The following FREM2 variants were observed in gnomAD, a reference collection of about 807,000 sequenced individuals.
The protein encoded by FREM2 is FRAS1-related extracellular matrix protein 2.
Under a neutral mutation model 219.9 loss-of-function variants are expected in FREM2, and 119 were observed. The ratio of observed to expected loss-of-function variants is 0.54; its 90% CI spans 0.47 to 0.63. The LOEUF (loss-of-function observed/expected upper bound fraction) is 0.63, where lower values mean the gene tolerates loss of function less well. FREM2 is among the 30% of genes least tolerant of loss of function. FREM2 has a pLI of 0.00. For missense variants in FREM2, 4,030 were observed against 3,993.6 expected (o/e 1.01, Z -0.25); for synonymous variants, 1,562 against 1,522.8 (o/e 1.03, Z -0.60).
chr13:38,878,867 G>A lies in FREM2; in HGVS notation c.8896G>A (p.Gly2966Arg), dbSNP rs1878445047. 3 of 1,613,996 alleles carry A rather than the reference G, an allele frequency of 1.9e-6. No individual in the cohort carries two copies. Among genetic ancestry groups the A allele is most frequent in the African/African-American group, 1.3e-5 (1 of 74,912 alleles). ...AQPETQATSFGNVLFNAKLAV... is the reference protein window; with the variant it reads ...AQPETQATSFRNVLFNAKLAV... The stretch of plus-strand genomic sequence containing the variant: ...GCCAGAGACACAAGCGACCAGTTTT[G>A]GAAATGTCCTATTTAATGCCAAACT... Residue 2966 changes from glycine (G) to arginine (R), a missense_variant, in exon 23 of 24, where the codon GGA (glycine) becomes AGA (arginine). Transcript: ENST00000280481.
At position 38,856,134 on chromosome 13, in the gene FREM2, T is replaced by A. The variant is rs1375829309; in HGVS notation, c.6934T>A (p.Phe2312Ile). The A allele has an allele frequency of 6.8e-6, 11 of 1,608,330 alleles. No homozygotes were observed. The highest frequency in any genetic ancestry group is 9.4e-6 in the Non-Finnish European group (11 of 1,175,672). The change falls in exon 12 of 24, where the codon TTT becomes ATT. Residue 2312 changes from phenylalanine (F) to isoleucine (I), a missense_variant. By Grantham distance (21) the Phe-to-Ile change is conservative. Transcript: ENST00000280481. ...TGATGTTACATTTGTAGAAATTGAG[T>A]TTAAGGAAGGGGAAACCCAGCACGT... Reference protein sequence around the residue: ...DYHPVSEEIEFKEGETQHVVE... With the variant: ...DYHPVSEEIEIKEGETQHVVE...
intron 2 of FREM2, among the ~76,000 whole-genome samples, chr13:38,751,864 C>CTGTG (rs59365871): frequency 1.8e-3 from 229 of 130,324 alleles, no homozygotes; most frequent in African/African-American, 6.9e-3. Context: ...TGTACTTACT[C>CTGTG]TGTGTGTGTG....
At chr13:38,864,097 G>T (rs982698162) in intron 15 of FREM2, among the ~76,000 whole-genome samples, 178 bp from the exon 16 acceptor site, 1 of 149,956 alleles carries the variant, frequency 6.7e-6, no homozygotes, top group Non-Finnish European at 1.5e-5. Flanking sequence ...CCAAAGTGCC[G>T]GGATTACAGG....
At chr13:38,849,257 T>C (rs1328191263) in intron 8 of FREM2, among the ~76,000 whole-genome samples, 3 of 152,218 alleles carry the variant, frequency 2.0e-5, no homozygotes, top group African/African-American at 4.8e-5. Context: ...ATTCTTTCTC[T>C]CAAACCTTAA....
intron 2 of FREM2, among the ~76,000 whole-genome samples, chr13:38,737,040 C>T (rs1175177339): frequency 1.3e-5 from 2 of 152,150 alleles, no homozygotes; most frequent in Non-Finnish European, 2.9e-5. Flanking sequence ...ATCATGGGAA[C>T]CATTACTGAC....
Position 38,874,531 on chromosome 13 carries a change from C to A in FREM2, c.8226C>A (p.Ala2742=), listed in dbSNP as rs17058710. ...GCATCGGTGATGAGGGGCGCTTGGC[C>A]GTGCACTTCAAGACAGAGGCTCAGT... ...SMRIGDEGRL[A]VHFKTEAQFH... Residue 2742 remains alanine (A), a synonymous_variant, in exon 18 of 24, where the codon GCC becomes GCA. Coordinates refer to ENST00000280481, the MANE Select transcript of FREM2 (RefSeq NM_207361.6). 1.2e-6 allele frequency: 2 copies of A among 1,614,080 alleles called. No homozygotes were observed. Among genetic ancestry groups the A allele is most frequent in the Non-Finnish European group, 1.7e-6 (2 of 1,179,984 alleles).
At chr13:38,880,260 A>G (rs745418380) in intron 23 of FREM2, 24 bp from the exon 24 acceptor site, 3 of 1,610,284 alleles carry the variant, frequency 1.9e-6, no homozygotes, top group Non-Finnish European at 1.7e-6. Flanking sequence ...AGTATTTCCT[A>G]ATAAATAGAG....
At chr13:38,821,737 C>T (rs1787196027) in intron 6 of FREM2, 1 of 152,118 alleles carries the variant, frequency 6.6e-6, no homozygotes, top group East Asian at 1.9e-4. Context: ...TAGGCCCCTG[C>T]TAAGTGGCGG....
At position 38,861,418 on chromosome 13, in the gene FREM2, T is replaced by C. The variant is rs1172420382; in HGVS notation, c.7520-13T>C. On this transcript the variant is annotated splice_polypyrimidine_tract_variant and intron_variant, in intron 14 of 23. Coordinates refer to ENST00000280481, the MANE Select transcript of FREM2 (RefSeq NM_207361.6). ...CTTCTTTTCGCATAAATATGGTCTT[T>C]TTTTTTTTCAAGGTCTTTGTCAGCC... is the stretch of plus-strand genomic sequence containing the variant. The C allele has an allele frequency of 1.9e-6, 3 of 1,609,458 alleles. No homozygotes were observed. The highest frequency in any genetic ancestry group is 1.7e-5 in the Admixed American group (1 of 59,678).
intron 6 of FREM2, among the ~76,000 whole-genome samples, chr13:38,836,906 A>G (rs879702923): frequency 1.3e-5 from 2 of 152,030 alleles, no homozygotes; most frequent in African/African-American, 2.4e-5. Context: ...GCTCCTGGAT[A>G]CATTGATTTT....
chr13:38,690,829 G>T lies in FREM2; in HGVS notation c.3485G>T (p.Arg1162Leu), dbSNP rs772453403. Reference sequence around the variant, plus strand: ...AAAGGGGTGGAACCTGTGGAGGACCGATTTGTATTTCGTTGTTCTGATGGC... The same window carrying T: ...AAAGGGGTGGAACCTGTGGAGGACCTATTTGTATTTCGTTGTTCTGATGGC... ...VHKGVEPVED[R>L]FVFRCSDGIN... is the part of the protein sequence containing the mutation. Residue 1162 changes from arginine to leucine, a missense_variant, in exon 1 of 24, where the codon CGA becomes CTA. Arg to Leu is a moderately radical substitution (Grantham distance 102, BLOSUM62 -2). Coordinates refer to ENST00000280481, the MANE Select transcript of FREM2 (RefSeq NM_207361.6). 24 of 1,614,120 alleles carry T rather than the reference G, an allele frequency of 1.5e-5. 1 individual carries two copies. In the South Asian group the frequency reaches 2.5e-4, roughly 17 times the overall value.
chr13:38,794,382 A>G (rs928756764), intron 6 of FREM2, among the ~76,000 whole-genome samples: 3 of 152,232 alleles, frequency 2.0e-5, no homozygotes, highest in African/African-American at 7.2e-5. Context: ...TGCACTATTC[A>G]GCATGTGACA....
At chr13:38,825,007 C>T (rs1376052974) in intron 6 of FREM2, among the ~76,000 whole-genome samples, 1 of 152,004 alleles carries the variant, frequency 6.6e-6, no homozygotes, top group Admixed American at 6.6e-5. Context: ...TAGATCAGAT[C>T]TCCCTCACTG....
At chr13:38,831,573 T>C (rs1025507135) in intron 6 of FREM2, among the ~76,000 whole-genome samples, 1 of 151,638 alleles carries the variant, frequency 6.6e-6, no homozygotes, top group South Asian at 2.1e-4. Flanking sequence ...AAATGATATA[T>C]ATTTTTAAAC....
intron 2 of FREM2, among the ~76,000 whole-genome samples, chr13:38,735,852 A>G (rs1420170785): frequency 1.3e-5 from 2 of 152,158 alleles, no homozygotes; most frequent in Non-Finnish European, 2.9e-5. Context: ...AGCCATCGCC[A>G]CCAGTATTTC....
intron 2 of FREM2, among the ~76,000 whole-genome samples, chr13:38,746,772 G>A (rs1872501513): frequency 6.6e-6 from 1 of 152,184 alleles, no homozygotes; most frequent in Non-Finnish European, 1.5e-5. Context: ...TGAGTTGAGT[G>A]GCTGCCATGA....
chr13:38,754,889 G>GT (rs1872923832), intron 2 of FREM2, among the ~76,000 whole-genome samples: 3 of 82,276 alleles, frequency 3.6e-5, no homozygotes, highest in African/African-American at 1.4e-4. Flanking sequence ...TGATGATGAT[G>GT]ATGATGATGA....
chr13:38,822,358 T>C (rs1318392306), intron 6 of FREM2, among the ~76,000 whole-genome samples: 1 of 149,058 alleles, frequency 6.7e-6, no homozygotes, highest in African/African-American at 2.5e-5. Context: ...TTTTTTTTTT[T>C]TTTTTTTTTT....
Position 38,764,361 on chromosome 13 carries a change from A to G in FREM2, c.5321A>G (p.Glu1774Gly). 1 of 1,606,612 alleles carries G rather than the reference A, an allele frequency of 6.2e-7. No homozygotes were observed. Among genetic ancestry groups the G allele is most frequent in the Non-Finnish European group, 8.5e-7 (1 of 1,173,264 alleles). The change falls in exon 3 of 24, where the codon GAA becomes GGA. Residue 1774 changes from glutamate to glycine, a missense_variant. By Grantham distance (98) the Glu-to-Gly change is moderately conservative. Around this residue, in one of 2 missense-constraint regions of FREM2, gnomAD observed 3,102 missense variants for 2,950.7 expected, o/e 1.05. Coordinates refer to ENST00000280481, the MANE Select transcript of FREM2 (RefSeq NM_207361.6). ...CTGAATTGGGCATGGATCTCCTTTGAAAAGGAATATTACCTGGTCAATGAG... is the reference window on the plus strand; with the variant it reads ...CTGAATTGGGCATGGATCTCCTTTGGAAAGGAATATTACCTGGTCAATGAG... ...FRLNWAWISF[E>G]KEYYLVNEDS...
Sources: allele counts gnomAD v4.1 joint callset (sites outside exome capture counted in the v4.1 genomes callset), GRCh38; gene constraint gnomAD v4.1.1; regional missense constraint gnomAD v4.1.1; transcripts MANE v1.5; gene names NCBI Gene and HGNC (gene_info 2026-07-23, HGNC 2026-07-21).